The following GALNTL6 variants were observed in gnomAD, a reference collection of about 807,000 sequenced individuals.
GALNTL6 encodes the protein polypeptide N-acetylgalactosaminyltransferase like 6, also known as polypeptide N-acetylgalactosaminyltransferase-like 6.
A neutral mutation model predicts 73.7 loss-of-function variants in GALNTL6; 46 were observed. The observed-to-expected ratio is 0.62, with a 90% CI of 0.49 to 0.80. GALNTL6 has a LOEUF of 0.80. Among genes scored for constraint, GALNTL6 ranks in the 30% least tolerant of loss-of-function variants. The probability of loss-of-function intolerance (pLI) is 0.00; values close to 1 mark genes in which losing one functional copy is unlikely to be tolerated. For synonymous variants in GALNTL6, 259 were observed against 263.7 expected, an observed-to-expected ratio of 0.98 and a Z score of 0.17; for missense variants, 604 against 755.0, an observed-to-expected ratio of 0.80 and a Z score of 2.34.
intron 2 of GALNTL6, among the ~76,000 whole-genome samples, chr4:172,047,500 G>A (rs929423273): frequency 2.6e-5 from 4 of 152,060 alleles, no homozygotes; most frequent in African/African-American, 9.7e-5. Flanking sequence ...ACAAAGCAAT[G>A]TACCAGTTAG....
intron 5 of GALNTL6, among the ~76,000 whole-genome samples, chr4:172,790,282 T>G (rs1243482612): frequency 6.6e-6 from 1 of 152,216 alleles, no homozygotes; most frequent in Non-Finnish European, 1.5e-5. Flanking sequence ...CAAAGTCATA[T>G]GCTGAAGGCC....
intron 11 of GALNTL6, 122 bp downstream of exon 11, chr4:173,009,416 G>A (rs183616794): frequency 1.5e-6 from 1 of 655,466 alleles, no homozygotes; most frequent in Admixed American, 2.5e-5. Context: ...CCTGGAGTGA[G>A]GCCGCTGTAT....
intron 5 of GALNTL6, among the ~76,000 whole-genome samples, chr4:172,658,513 T>C (rs886616320): frequency 1.1e-4 from 16 of 151,306 alleles, no homozygotes; most frequent in Non-Finnish European, 2.1e-4. Context: ...GAAATATCTT[T>C]GTGGGTACAA....
chr4:171,887,976 C>T (rs760057318), intron 2 of GALNTL6, among the ~76,000 whole-genome samples: 1 of 152,016 alleles, frequency 6.6e-6, no homozygotes, highest in Non-Finnish European at 1.5e-5. Flanking sequence ...AATAGATCCA[C>T]TAATAAAGAG....
At chr4:172,927,964 A>G (rs1243211340) in intron 8 of GALNTL6, among the ~76,000 whole-genome samples, 1 of 152,208 alleles carries the variant, frequency 6.6e-6, no homozygotes, top group Admixed American at 6.5e-5. Context: ...GGTATGTGCA[A>G]TGGAAGATAT....
intron 5 of GALNTL6, among the ~76,000 whole-genome samples, chr4:172,688,776 A>G (rs541511465): frequency 6.6e-5 from 10 of 152,264 alleles, no homozygotes; most frequent in African/African-American, 2.4e-4. Context: ...TGTGTGGTGA[A>G]CTTTCCCCTT....
chr4:172,633,698 G>T (rs1739515574), intron 5 of GALNTL6, among the ~76,000 whole-genome samples: 1 of 152,144 alleles, frequency 6.6e-6, no homozygotes, highest in African/African-American at 2.4e-5. Context: ...AGGGGCCAGG[G>T]GTGGAATGAT....
chr4:171,871,699 C>T (rs554264125), intron 2 of GALNTL6, among the ~76,000 whole-genome samples: 55 of 151,700 alleles, frequency 3.6e-4, no homozygotes, highest in Admixed American at 9.2e-4. Context: ...ATTTAGGTCC[C>T]GAAAAAAACA....
At chr4:173,001,542 T>C (rs759666775) in intron 10 of GALNTL6, among the ~76,000 whole-genome samples, 10 of 152,216 alleles carry the variant, frequency 6.6e-5, no homozygotes, top group Non-Finnish European at 1.5e-4. Context: ...GTTAAAACTT[T>C]TGTGCATCAA....
chr4:172,945,437 A>G (rs1020260274), intron 9 of GALNTL6, among the ~76,000 whole-genome samples: 3 of 152,236 alleles, frequency 2.0e-5, no homozygotes, highest in Admixed American at 6.5e-5. Flanking sequence ...AGTTTCTTGT[A>G]TATCAACTAT....
chr4:172,040,288 T>C (rs1182586065), intron 2 of GALNTL6, among the ~76,000 whole-genome samples: 1 of 152,154 alleles, frequency 6.6e-6, no homozygotes, highest in Non-Finnish European at 1.5e-5. Context: ...AAGGTATTTA[T>C]CTGGAAAGAT....
chr4:172,357,332 C>G (rs545768845), intron 5 of GALNTL6, among the ~76,000 whole-genome samples: 1 of 152,206 alleles, frequency 6.6e-6, no homozygotes, highest in South Asian at 2.1e-4. Context: ...CTGTCTTTAT[C>G]CTGGAAAAAG....
chr4:172,650,104 T>C (rs1285994690), intron 5 of GALNTL6, among the ~76,000 whole-genome samples: 1 of 152,152 alleles, frequency 6.6e-6, no homozygotes, highest in Non-Finnish European at 1.5e-5. Flanking sequence ...ATTTTCATGG[T>C]ATAGAAAGAG....
intron 5 of GALNTL6, among the ~76,000 whole-genome samples, chr4:172,418,250 A>C (rs557090611): frequency 6.6e-6 from 1 of 152,284 alleles, no homozygotes; most frequent in South Asian, 2.1e-4. Context: ...TTTGCATTAC[A>C]TTCAGCTTCT....
At chr4:172,694,213 T>G (rs1540469) in intron 5 of GALNTL6, among the ~76,000 whole-genome samples, 148,696 of 151,844 alleles carry the variant, frequency 0.98, 72,885 homozygotes, top group Non-Finnish European at 1. Flanking sequence ...TGCCGTGGTG[T>G]TTTGCTGCAC....
At chr4:172,824,967 C>T (rs1742153902) in intron 7 of GALNTL6, among the ~76,000 whole-genome samples, 2 of 151,528 alleles carry the variant, frequency 1.3e-5, no homozygotes, top group Non-Finnish European at 2.9e-5. Context: ...TCCACAGAGG[C>T]ACTGGTTTTG....
At chr4:172,948,715 C>T (rs1749295595) in intron 9 of GALNTL6, among the ~76,000 whole-genome samples, 1 of 151,570 alleles carries the variant, frequency 6.6e-6, no homozygotes, top group Non-Finnish European at 1.5e-5. Flanking sequence ...AGGTGATCCA[C>T]CTGCCTCAGC....
At chr4:171,973,490 G>A (rs1358678878) in intron 2 of GALNTL6, among the ~76,000 whole-genome samples, 1 of 151,992 alleles carries the variant, frequency 6.6e-6, no homozygotes, top group Non-Finnish European at 1.5e-5. Context: ...TTTCTGTCAC[G>A]TTTTCACATG....
intron 1 of GALNTL6, 26 bp from the exon 2 acceptor site, chr4:171,814,386 A>G (rs1045328668): frequency 3.0e-5 from 18 of 602,888 alleles, no homozygotes; most frequent in Non-Finnish European, 4.4e-5. Flanking sequence ...TTCTGGGGGG[A>G]AAGTAACTGT....
Sources: allele counts gnomAD v4.1 joint callset (sites outside exome capture counted in the v4.1 genomes callset), GRCh38; gene constraint gnomAD v4.1.1; transcripts MANE v1.5; gene names NCBI Gene and HGNC (gene_info 2026-07-23, HGNC 2026-07-21).